Variants in ANKRD11 observed in about 807,000 individuals in gnomAD.
ANKRD11 encodes the protein ankyrin repeat domain-containing protein 11.
A neutral mutation model predicts 195.7 loss-of-function variants in ANKRD11; 17 were observed. The observed-to-expected ratio is 0.09, with a 90% confidence interval of 0.06 to 0.13. The LOEUF is 0.13. Among genes scored for constraint, ANKRD11 ranks in the 10% least tolerant of loss-of-function variants. The probability of loss-of-function intolerance (pLI) is 1.00; values close to 1 mark genes in which losing one functional copy is unlikely to be tolerated. For synonymous variants in ANKRD11, 1,953 were observed against 1,528.1 expected, an observed-to-expected ratio of 1.28 and a Z score of -6.49; for missense variants, 3,735 against 3,566.1, an observed-to-expected ratio of 1.05 and a Z score of -1.21.
intron 2 of ANKRD11, among the ~76,000 whole-genome samples, chr16:89,363,538 A>G (rs2039821788): frequency 6.6e-6 from 1 of 152,228 alleles, no homozygotes; most frequent in Admixed American, 6.5e-5. Context: ...GGGGAAAAAA[A>G]ACCTTACATA....
At position 89,434,204 on chromosome 16, in the gene ANKRD11, T is replaced by A. The variant is rs540285114; in HGVS notation, c.-144-15836A>T. Among the ~76,000 whole-genome samples the A allele has an allele frequency of 2.0e-5, 3 of 152,142 alleles. No homozygotes were observed. The South Asian group carries it at 6.2e-4, about 32-fold the overall frequency. On this transcript the variant is annotated intron_variant, in intron 1 of 12. Transcript: ENST00000301030. ...CACCCATGGTGCACCCTACACACACTCACCTCCTCAAGACACTATGGATTC... is the reference window on the plus strand; with the variant it reads ...CACCCATGGTGCACCCTACACACACACACCTCCTCAAGACACTATGGATTC...
intron 1 of ANKRD11, among the ~76,000 whole-genome samples, chr16:89,441,099 G>C (rs1349604114): frequency 6.6e-6 from 1 of 151,946 alleles, no homozygotes; most frequent in Non-Finnish European, 1.5e-5. Flanking sequence ...AGCCGGGCGT[G>C]GTGGTGGGCG....
intron 1 of ANKRD11, among the ~76,000 whole-genome samples, chr16:89,485,820 C>A (rs989816433): frequency 2.0e-5 from 3 of 152,176 alleles, no homozygotes; most frequent in African/African-American, 7.2e-5. Context: ...ATCACTCCAC[C>A]TGCTCAGCTA....
chr16:89,328,593 G>A (rs1219108316), intron 2 of ANKRD11, among the ~76,000 whole-genome samples: 1 of 151,662 alleles, frequency 6.6e-6, no homozygotes, highest in African/African-American at 2.4e-5. Context: ...AGGCGTACGG[G>A]TGAATCTGCA....
At chr16:89,307,357 C>T (rs950920836) in intron 3 of ANKRD11, among the ~76,000 whole-genome samples, 1 of 152,186 alleles carries the variant, frequency 6.6e-6, no homozygotes, top group African/African-American at 2.4e-5. Flanking sequence ...TCCACCCAAC[C>T]TGCATCCACC....
At chr16:89,351,135 G>A (rs1844087504) in intron 2 of ANKRD11, among the ~76,000 whole-genome samples, 2 of 152,220 alleles carry the variant, frequency 1.3e-5, no homozygotes, top group African/African-American at 4.8e-5. Context: ...CACGGGAGTG[G>A]ACGATGGCGG....
Position 89,281,524 on chromosome 16 carries a change from C to A in ANKRD11, c.5018G>T (p.Gly1673Val). ...TGCCAGCCAGTCTTTGGAGTCTGCA[C>A]CTGATGCTGGGTGTAGCTTATTTTC... Reference protein sequence around the residue: ...AAENKLHPASGADSKDWLAGP... With the variant: ...AAENKLHPASVADSKDWLAGP... Residue 1673 changes from glycine to valine, a missense_variant, in exon 9 of 13, where the codon GGT becomes GTT. Coordinates refer to ENST00000301030, the MANE Select transcript of ANKRD11 (RefSeq NM_013275.6). The surrounding 1 kb of genome is among the most constrained non-coding windows in gnomAD (Gnocchi z 5.5). 1 of 1,614,202 alleles carries A rather than the reference C, an allele frequency of 6.2e-7. No individual in the cohort carries two copies. Among genetic ancestry groups the A allele is most frequent in the Non-Finnish European group, 8.5e-7 (1 of 1,180,030 alleles).
chr16:89,466,718 A>G (rs964798434), intron 1 of ANKRD11, among the ~76,000 whole-genome samples: 1 of 152,262 alleles, frequency 6.6e-6, no homozygotes, highest in African/African-American at 2.4e-5. Context: ...AGACATTAAA[A>G]GCTGTTGAAC....
At chr16:89,485,083 G>A (rs926324149) in intron 1 of ANKRD11, among the ~76,000 whole-genome samples, 3 of 43,918 alleles carry the variant, frequency 6.8e-5, no homozygotes, top group Non-Finnish European at 1.9e-4. Context: ...ACAGGATTCG[G>A]TCCTCTAGGC....
At chr16:89,424,792 C>T (rs965307665) in intron 1 of ANKRD11, among the ~76,000 whole-genome samples, 5 of 152,104 alleles carry the variant, frequency 3.3e-5, no homozygotes, top group Admixed American at 6.5e-5. Context: ...CCGATCCTTG[C>T]GATTATGGAA....
chr16:89,427,563 G>A (rs369186451), intron 1 of ANKRD11, among the ~76,000 whole-genome samples: 17 of 152,278 alleles, frequency 1.1e-4, no homozygotes, highest in African/African-American at 2.9e-4. Flanking sequence ...TTAGGAGGCC[G>A]AGGCGGGAGG....
intron 2 of ANKRD11, among the ~76,000 whole-genome samples, chr16:89,366,153 A>G (rs778458385): frequency 1.3e-5 from 2 of 148,834 alleles, no homozygotes; most frequent in Non-Finnish European, 3.0e-5. Flanking sequence ...AAAAAAAAAG[A>G]CATGATCTCA....
chr16:89,280,390 G>T lies in ANKRD11; in HGVS notation c.6152C>A (p.Ser2051Ter). Residue 2051 changes from serine (S) to a stop codon, truncating the protein, a stop_gained, in exon 9 of 13, where the codon TCA becomes TAA. Coordinates refer to ENST00000301030, the MANE Select transcript of ANKRD11 (RefSeq NM_013275.6). LOFTEE classifies it high-confidence loss of function. ...GGGAGGGGCGTAGGGAGCCGCCTCT[G>T]AGGTGGAGATGGCGGCGGGGACGGC... ...VDAVPAAIST[S>*]EAAPYAPPSG... The T allele has an allele frequency of 6.4e-7, 1 of 1,562,636 alleles. No homozygotes were observed.
intron 1 of ANKRD11, among the ~76,000 whole-genome samples, chr16:89,470,429 G>A (rs1383209185): frequency 1.3e-5 from 2 of 152,286 alleles, no homozygotes; most frequent in East Asian, 1.9e-4. Flanking sequence ...GGTCAACGCA[G>A]GTCAGTCTGA....
chr16:89,463,940 T>C (rs1209971380), intron 1 of ANKRD11, among the ~76,000 whole-genome samples: 1 of 152,238 alleles, frequency 6.6e-6, no homozygotes, highest in Non-Finnish European at 1.5e-5. Context: ...TGTAGTACTA[T>C]TAGACCACAA....
Position 89,310,903 on chromosome 16 carries a change from G to A in ANKRD11, c.88-5559C>T, listed in dbSNP as rs1017318394. On this transcript the variant is annotated intron_variant, in intron 3 of 12. Transcript: ENST00000301030. ...CTCTTTCCTCTTCAGTCTGACTTTC[G>A]TGCTGCCTGGAGTCTGCAGGACGAT... Among the ~76,000 whole-genome samples, 8 of 152,142 alleles carry A rather than the reference G, an allele frequency of 5.3e-5. No individual in the cohort carries two copies. The South Asian group carries it at 6.2e-4, about 12-fold the overall frequency.
chr16:89,441,022 G>T (rs2043433957), intron 1 of ANKRD11, among the ~76,000 whole-genome samples: 1 of 152,162 alleles, frequency 6.6e-6, no homozygotes, highest in Admixed American at 6.5e-5. Context: ...CAGATCATGA[G>T]GTCAGGAGAT....
intron 4 of ANKRD11, among the ~76,000 whole-genome samples, chr16:89,303,838 G>A (rs979871996): frequency 6.6e-6 from 1 of 152,090 alleles, no homozygotes; most frequent in African/African-American, 2.4e-5. Context: ...TGTGCCTGCT[G>A]CCGTTCCTCT....
intron 1 of ANKRD11, chr16:89,443,558 C>G (rs892585499): frequency 6.6e-6 from 1 of 152,250 alleles, no homozygotes; most frequent in Non-Finnish European, 1.5e-5. Flanking sequence ...TTAGCACCAC[C>G]CACATGGAAG....
Sources: allele counts gnomAD v4.1 joint callset (sites outside exome capture counted in the v4.1 genomes callset), GRCh38; gene constraint gnomAD v4.1.1; non-coding constraint Gnocchi (gnomAD v3.1); transcripts MANE v1.5; gene names NCBI Gene and HGNC (gene_info 2026-07-23, HGNC 2026-07-21).